The following STPG2 variants were observed in gnomAD, a reference collection of about 807,000 sequenced individuals.
STPG2 encodes sperm-tail PG-rich repeat-containing protein 2.
In STPG2, 56 loss-of-function variants were observed where a neutral mutation model predicts 54.2. The observed-to-expected ratio is 1.03, with a 90% CI of 0.83 to 1.29. STPG2 has a LOEUF of 1.29. Among genes scored for constraint, STPG2 ranks in the 50% most tolerant of loss-of-function variants. STPG2 has a pLI of 0.00. For synonymous variants in STPG2, 200 were observed against 181.8 expected, an observed-to-expected ratio of 1.10 and a Z score of -0.81; for missense variants, 596 against 544.9, an observed-to-expected ratio of 1.09 and a Z score of -0.93.
At chr4:97,710,543 A>G (rs1462977527) in intron 10 of STPG2, among the ~76,000 whole-genome samples, 7 of 152,128 alleles carry the variant, frequency 4.6e-5, no homozygotes, top group African/African-American at 1.7e-4. Context: ...ATTTTCAAGT[A>G]TAACTGAATT....
intron 5 of STPG2, among the ~76,000 whole-genome samples, chr4:98,007,609 C>G (rs1735614577): frequency 6.6e-6 from 1 of 151,948 alleles, no homozygotes; most frequent in South Asian, 2.1e-4. Flanking sequence ...TGGATCCTAA[C>G]TGAAATAAAA....
At chr4:97,879,348 C>T (rs776032474) in intron 8 of STPG2, among the ~76,000 whole-genome samples, 5 of 152,100 alleles carry the variant, frequency 3.3e-5, no homozygotes, top group Non-Finnish European at 7.4e-5. Flanking sequence ...ATTTTTGCTG[C>T]TGATAAAGAC....
At chr4:97,653,154 C>A (rs1722121994) in intron 10 of STPG2, among the ~76,000 whole-genome samples, 1 of 151,850 alleles carries the variant, frequency 6.6e-6, no homozygotes, top group African/African-American at 2.4e-5. Context: ...ATCAGATTCA[C>A]TTCTATAGGC....
At chr4:97,628,007 G>T (rs1200071793) in intron 10 of STPG2, among the ~76,000 whole-genome samples, 2 of 152,118 alleles carry the variant, frequency 1.3e-5, no homozygotes, top group Non-Finnish European at 2.9e-5. Flanking sequence ...CCACATTGGG[G>T]AGGGCAAACT....
At chr4:97,564,152 T>C (rs1230252645) in intron 10 of STPG2, among the ~76,000 whole-genome samples, 1 of 152,214 alleles carries the variant, frequency 6.6e-6, no homozygotes, top group Non-Finnish European at 1.5e-5. Flanking sequence ...GATAGTTAGC[T>C]CTTCTTGTTG....
intron 8 of STPG2, among the ~76,000 whole-genome samples, chr4:97,858,330 C>T (rs1401252445): frequency 6.6e-6 from 1 of 152,084 alleles, no homozygotes; most frequent in African/African-American, 2.4e-5. Flanking sequence ...TAGAATGGAG[C>T]TCAAGTATGT....
chr4:97,823,062 T>C lies in STPG2; in HGVS notation c.1204+17711A>G, dbSNP rs544453906. On this transcript the variant is annotated intron_variant, in intron 9 of 10. Coordinates refer to ENST00000295268, the MANE Select transcript of STPG2 (RefSeq NM_174952.3). ...AGATTAAGGAAAGAAGCTGTCTTCATAACATAAAATACAAGGTGAAGCAAG... is the reference window on the plus strand; with the variant it reads ...AGATTAAGGAAAGAAGCTGTCTTCACAACATAAAATACAAGGTGAAGCAAG... Among the ~76,000 whole-genome samples the C allele has an allele frequency of 1.1e-4, 17 of 152,182 alleles. 1 individual carries two copies. Among genetic ancestry groups the C allele is most frequent in the Admixed American group, 1.0e-3 (16 of 15,274 alleles).
chr4:97,729,777 T>C (rs1363653949), intron 9 of STPG2, among the ~76,000 whole-genome samples: 1 of 152,196 alleles, frequency 6.6e-6, no homozygotes, highest in African/African-American at 2.4e-5. Flanking sequence ...ATACAATTTG[T>C]CACAAGTGTT....
chr4:97,802,484 AT>A (rs1368502039), intron 9 of STPG2, among the ~76,000 whole-genome samples: 4 of 152,028 alleles, frequency 2.6e-5, no homozygotes, highest in African/African-American at 9.7e-5. Context: ...AAATATATAT[AT>A]TTTTGGCAGA....
intron 5 of STPG2, among the ~76,000 whole-genome samples, chr4:98,059,060 T>G (rs909759112): frequency 6.6e-6 from 1 of 150,478 alleles, no homozygotes; most frequent in Admixed American, 6.6e-5. Flanking sequence ...CCAGGGCTTG[T>G]TTTTTTTGAA....
chr4:97,862,855 G>T (rs149136660), intron 8 of STPG2, among the ~76,000 whole-genome samples: 1 of 152,032 alleles, frequency 6.6e-6, no homozygotes, highest in Non-Finnish European at 1.5e-5. Flanking sequence ...TACCGCATAC[G>T]TAACGAAATG....
At chr4:97,660,147 C>A (rs1246394146) in intron 10 of STPG2, among the ~76,000 whole-genome samples, 2 of 152,042 alleles carry the variant, frequency 1.3e-5, no homozygotes, top group Non-Finnish European at 2.9e-5. Context: ...GGACTACAGG[C>A]GCCCACCACT....
chr4:98,030,834 T>C (rs1014141184), intron 5 of STPG2, among the ~76,000 whole-genome samples: 1 of 152,212 alleles, frequency 6.6e-6, no homozygotes, highest in South Asian at 2.1e-4. Flanking sequence ...GCTAGTCATA[T>C]GCAGAAGACT....
At chr4:97,635,609 A>G (rs1721487436) in intron 10 of STPG2, among the ~76,000 whole-genome samples, 1 of 152,198 alleles carries the variant, frequency 6.6e-6, no homozygotes, top group Admixed American at 6.5e-5. Flanking sequence ...TCACGTGCAG[A>G]GACACATATA....
At chr4:97,655,013 T>A (rs542298038) in intron 10 of STPG2, among the ~76,000 whole-genome samples, 91 of 152,198 alleles carry the variant, frequency 6.0e-4, no homozygotes, top group African/African-American at 2.2e-3. Context: ...AAACCTGGAA[T>A]AACATACAGA....
chr4:97,632,677 C>A (rs974008796), intron 10 of STPG2, among the ~76,000 whole-genome samples: 4 of 152,124 alleles, frequency 2.6e-5, no homozygotes, highest in Non-Finnish European at 5.9e-5. Context: ...ACTGTACCAG[C>A]CACCATGCTA....
chr4:97,647,067 A>G (rs964675487), intron 10 of STPG2, among the ~76,000 whole-genome samples: 2 of 152,156 alleles, frequency 1.3e-5, no homozygotes, highest in Admixed American at 1.3e-4. Flanking sequence ...AGTTCCTTAT[A>G]TATTCAATTT....
chr4:97,718,904 C>T (rs1479763990), intron 9 of STPG2, among the ~76,000 whole-genome samples: 1 of 151,868 alleles, frequency 6.6e-6, no homozygotes, highest in East Asian at 1.9e-4. Flanking sequence ...TCAACTAAGG[C>T]TGAATATTCC....
chr4:98,002,316 G>A (rs1314280978), intron 5 of STPG2, among the ~76,000 whole-genome samples: 4 of 151,966 alleles, frequency 2.6e-5, no homozygotes, highest in South Asian at 2.1e-4. Context: ...ACCTGATAGC[G>A]TAAAAAGACT....
Sources: gnomAD v4.1 joint callset for allele counts (sites outside exome capture counted in the v4.1 genomes callset) on GRCh38, gnomAD v4.1.1 for gene constraint, MANE v1.5 for transcripts, NCBI Gene and HGNC (gene_info 2026-07-23, HGNC 2026-07-21) for gene names.